The following AGBL1 variants were observed in gnomAD, a reference collection of about 807,000 sequenced individuals.
The protein encoded by AGBL1 is AGBL carboxypeptidase 1.
AGBL1 carries 130 observed loss-of-function variants against 118.9 expected under a neutral mutation model. The ratio of observed to expected loss-of-function variants is 1.09; its 90% CI spans 0.95 to 1.26. AGBL1 has a LOEUF of 1.26. Ranked by LOEUF, AGBL1 falls within the 50% of genes most tolerant of loss-of-function variation. The probability of loss-of-function intolerance (pLI) is 0.00; values close to 1 mark genes in which losing one functional copy is unlikely to be tolerated. For synonymous variants in AGBL1, 555 were observed against 478.9 expected, an observed-to-expected ratio of 1.16 and a Z score of -2.08; for missense variants, 1,584 against 1,298.1, an observed-to-expected ratio of 1.22 and a Z score of -3.38.
At chr15:86,872,670 C>T (rs1368022736) in intron 22 of AGBL1, among the ~76,000 whole-genome samples, 3 of 152,138 alleles carry the variant, frequency 2.0e-5, no homozygotes, top group Non-Finnish European at 2.9e-5. Flanking sequence ...GCAGGAGAAT[C>T]GCTTGAACCT....
At chr15:86,785,364 TTTTTTTTTTTTTTTG>T (rs1460747720) in intron 22 of AGBL1, among the ~76,000 whole-genome samples, 1 of 137,078 alleles carries the variant, frequency 7.3e-6, no homozygotes, top group Non-Finnish European at 1.6e-5. Context: ...CGGGTTCTTT[TTTTTTTTTTTTTTTG>T]TTTTTGTTTT....
chr15:86,942,644 C>A (rs973835870), intron 23 of AGBL1, among the ~76,000 whole-genome samples: 1 of 152,168 alleles, frequency 6.6e-6, no homozygotes, highest in African/African-American at 2.4e-5. Context: ...AAAACTCAAT[C>A]TGATCTTTGC....
At chr15:86,717,486 A>G (rs1163782944) in intron 22 of AGBL1, among the ~76,000 whole-genome samples, 1 of 152,128 alleles carries the variant, frequency 6.6e-6, no homozygotes, top group Admixed American at 6.6e-5. Context: ...CATTGTAAAG[A>G]TAAGCACATT....
chr15:86,529,899 A>G (rs1596231270), intron 19 of AGBL1, among the ~76,000 whole-genome samples: 1 of 141,776 alleles, frequency 7.1e-6, no homozygotes, highest in African/African-American at 2.9e-5. Flanking sequence ...TTTACAGACA[A>G]GCAAATGCTG....
chr15:86,366,896 G>A (rs1385314293), intron 17 of AGBL1, among the ~76,000 whole-genome samples: 2 of 152,156 alleles, frequency 1.3e-5, no homozygotes, highest in East Asian at 3.9e-4. Flanking sequence ...CAGCAATAAG[G>A]TGTTCGCCTT....
At chr15:86,800,786 AAAG>A (rs1402768274) in intron 22 of AGBL1, among the ~76,000 whole-genome samples, 1 of 152,130 alleles carries the variant, frequency 6.6e-6, no homozygotes, top group Non-Finnish European at 1.5e-5. Context: ...TACCTGAAGA[AAAG>A]AAGGTCACTT....
At chr15:86,399,789 G>T (rs1036655156) in intron 18 of AGBL1, among the ~76,000 whole-genome samples, 2 of 152,098 alleles carry the variant, frequency 1.3e-5, no homozygotes, top group African/African-American at 4.8e-5. Flanking sequence ...TTCCCAAATG[G>T]CAGGCCAGCT....
intron 18 of AGBL1, among the ~76,000 whole-genome samples, chr15:86,473,118 A>G (rs2082502175): frequency 6.6e-6 from 1 of 152,218 alleles, no homozygotes; most frequent in South Asian, 2.1e-4. Context: ...TCCTTTATAG[A>G]GAATACTGTT....
intron 19 of AGBL1, among the ~76,000 whole-genome samples, chr15:86,528,326 C>T (rs1010096847): frequency 3.9e-5 from 6 of 152,192 alleles, no homozygotes; most frequent in Admixed American, 6.5e-5. Flanking sequence ...GTTCCCTCTC[C>T]GAGTCAAAGA....
At chr15:86,640,986 C>A (rs1278500804) in intron 21 of AGBL1, among the ~76,000 whole-genome samples, 1 of 150,486 alleles carries the variant, frequency 6.6e-6, no homozygotes, top group Non-Finnish European at 1.5e-5. Flanking sequence ...TTTTTATGTG[C>A]CTTTTGGCCA....
intron 18 of AGBL1, among the ~76,000 whole-genome samples, chr15:86,479,756 A>G (rs961992291): frequency 6.6e-6 from 1 of 152,204 alleles, no homozygotes; most frequent in South Asian, 2.1e-4. Flanking sequence ...AAAGATTATA[A>G]ATCATGCTGC....
chr15:86,354,843 A>G (rs74027515), intron 17 of AGBL1, among the ~76,000 whole-genome samples: 3,135 of 152,332 alleles, frequency 0.021, 105 homozygotes, highest in African/African-American at 0.072. Flanking sequence ...CAAGCCATTA[A>G]AAACAGAGAC....
chr15:86,326,713 G>C (rs2080189902), intron 17 of AGBL1, among the ~76,000 whole-genome samples: 1 of 152,124 alleles, frequency 6.6e-6, no homozygotes, highest in South Asian at 2.1e-4. Context: ...TTTGTTTACA[G>C]ACAACAGCAT....
At chr15:86,427,881 A>G (rs1262627600) in intron 18 of AGBL1, among the ~76,000 whole-genome samples, 2 of 152,218 alleles carry the variant, frequency 1.3e-5, no homozygotes, top group African/African-American at 2.4e-5. Context: ...CACTGTGAAC[A>G]TGATAGAAGT....
chr15:86,178,298 C>T (rs1190070136), intron 5 of AGBL1, among the ~76,000 whole-genome samples: 2 of 152,004 alleles, frequency 1.3e-5, no homozygotes, highest in Non-Finnish European at 2.9e-5. Context: ...GATGACAGAG[C>T]GAGACTCTGC....
intron 18 of AGBL1, among the ~76,000 whole-genome samples, chr15:86,444,400 C>A (rs2082097971): frequency 6.6e-6 from 1 of 152,194 alleles, no homozygotes; most frequent in South Asian, 2.1e-4. Flanking sequence ...ATTCACTCAG[C>A]TATTGCATGA....
chr15:86,081,592 A>G (rs1210147403), intron 1 of AGBL1, among the ~76,000 whole-genome samples: 3 of 152,212 alleles, frequency 2.0e-5, no homozygotes, highest in Non-Finnish European at 4.4e-5. Context: ...GTGGACCTCA[A>G]AAGAAATTTG....
At chr15:86,964,099 T>C (rs538066141) in intron 23 of AGBL1, among the ~76,000 whole-genome samples, 7 of 151,778 alleles carry the variant, frequency 4.6e-5, no homozygotes, top group African/African-American at 1.7e-4. Context: ...GGTGTTATTA[T>C]ACTAATTTTA....
At chr15:86,637,034 G>A (rs62033661) in intron 21 of AGBL1, among the ~76,000 whole-genome samples, 36,331 of 151,418 alleles carry the variant, frequency 0.24, 4,956 homozygotes, top group East Asian at 0.42. Context: ...TGGGTGACAA[G>A]CAGACATAAA....
Sources: allele counts gnomAD v4.1 joint callset (sites outside exome capture counted in the v4.1 genomes callset), GRCh38; gene constraint gnomAD v4.1.1; transcripts MANE v1.5; gene names NCBI Gene and HGNC (gene_info 2026-07-23, HGNC 2026-07-21).